ITGB1: variants seen among roughly 807,000 people sequenced by gnomAD.
ITGB1 encodes the protein integrin subunit beta 1, also known as integrin beta-1.
In ITGB1, 24 loss-of-function variants were observed where a neutral mutation model predicts 86.5. That is an observed-to-expected ratio of 0.28 (90% CI 0.20 to 0.39). The LOEUF is 0.39. Ranked by LOEUF, ITGB1 falls within the 10% of genes least tolerant of loss-of-function variation. ITGB1 has a pLI of 1.00. For synonymous variants in ITGB1, 323 were observed against 316.8 expected (o/e 1.02, Z -0.21); for missense variants, 556 against 946.9 (o/e 0.59, Z 5.42).
rs147320657 is a variant in ITGB1 at position 32,920,016 on chromosome 10, C to T, written c.1338G>A (p.Arg446=). Residue 446 remains arginine, a synonymous_variant, in exon 11 of 16, where the codon AGG becomes AGA. Transcript: ENST00000302278. ...CTACTTCCTCCGTAAAGCCCAGAGG[C>T]CTAATTTTAAAGCTGTCAGAATCCT... ...PKKDSDSFKI[R]PLGFTEEVEV... 4.3e-4 allele frequency: 698 copies of T among 1,613,996 alleles called. 7 individuals carry two copies. The East Asian group carries it at 0.015, about 35-fold the overall frequency.
At chr10:32,956,404 A>G (rs1375612117) in intron 1 of ITGB1, among the ~76,000 whole-genome samples, 1 of 148,956 alleles carries the variant, frequency 6.7e-6, no homozygotes, top group Non-Finnish European at 1.5e-5. Flanking sequence ...CAATTAAAAA[A>G]AAAAAAATAA....
intron 1 of ITGB1, among the ~76,000 whole-genome samples, chr10:32,948,947 G>T (rs1182606110): frequency 1.4e-5 from 2 of 144,972 alleles, no homozygotes; most frequent in Non-Finnish European, 3.0e-5. Flanking sequence ...TTCGTTCAGG[G>T]ACTGCTGCTC....
chr10:32,930,725 A>C (rs1167731370), intron 3 of ITGB1, among the ~76,000 whole-genome samples: 1 of 152,182 alleles, frequency 6.6e-6, no homozygotes, highest in Admixed American at 6.5e-5. Flanking sequence ...AATGGCAGGT[A>C]AATTTCAAAA....
At chr10:32,930,800 CAG>C (rs2137228209) in intron 3 of ITGB1, among the ~76,000 whole-genome samples, 1 of 152,006 alleles carries the variant, frequency 6.6e-6, no homozygotes, top group Admixed American at 6.5e-5. Flanking sequence ...CTAGTAATGA[CAG>C]AGATTTTAAA....
chr10:32,938,991 T>C (rs1218995281), intron 1 of ITGB1, among the ~76,000 whole-genome samples: 2 of 152,004 alleles, frequency 1.3e-5, no homozygotes, highest in African/African-American at 2.4e-5. Flanking sequence ...CGGTACTGGG[T>C]GCCCCCTGCA....
chr10:32,938,588 T>C (rs530631452), intron 1 of ITGB1, among the ~76,000 whole-genome samples: 12 of 152,344 alleles, frequency 7.9e-5, no homozygotes, highest in Non-Finnish European at 1.3e-4. Context: ...TCTGAAACCC[T>C]TGTGCCTCCG....
In ITGB1 at chr10:32,910,399, T is replaced by A. The variant is rs1456670387; in HGVS notation, c.1988A>T (p.Gln663Leu). Reference sequence around the variant, plus strand: ...GGTAATGTTAAAATAGGAACATTCCTGTGTGCATGTGTCTTTCTTTTCTCC... The same window carrying A: ...GGTAATGTTAAAATAGGAACATTCCAGTGTGCATGTGTCTTTCTTTTCTCC... The part of the protein sequence containing the change: ...NKGEKKDTCT[Q>L]ECSYFNITKV... Residue 663 changes from glutamine to leucine, a missense_variant, in exon 14 of 16, where the codon CAG (glutamine) becomes CTG (leucine). Gln to Leu is a moderately radical substitution (Grantham distance 113). Around this residue, in one of 4 missense-constraint regions of ITGB1, gnomAD observed 330 missense variants for 531.5 expected, o/e 0.62. Transcript: ENST00000302278. The A allele has an allele frequency of 8.1e-6, 13 of 1,603,138 alleles. No individual in the cohort carries two copies. In the Admixed American group the frequency reaches 2.2e-4, roughly 27 times the overall value.
chr10:32,944,425 C>T, intron 1 of ITGB1: 3 of 317,326 alleles, frequency 9.5e-6, no homozygotes, highest in South Asian at 8.6e-5. Context: ...CAGCCGTGAT[C>T]ATGGGGGCCC....
intron 15 of ITGB1, among the ~76,000 whole-genome samples, chr10:32,904,728 A>G (rs2383977): frequency 5.9e-5 from 9 of 152,216 alleles, no homozygotes; most frequent in African/African-American, 2.2e-4. Flanking sequence ...TTCTTGAGAA[A>G]AACATCTCTT....
rs1295436309 is a variant in ITGB1, at chr10:32,926,072, G to A, written c.585C>T (p.Tyr195=). 1.2e-6 allele frequency: 2 copies of A among 1,614,126 alleles called. No homozygotes were observed. Among genetic ancestry groups the A allele is most frequent in the Non-Finnish European group, 1.7e-6 (2 of 1,179,988 alleles). Residue 195 remains tyrosine (Y), a synonymous_variant, in exon 6 of 16, where the codon TAC becomes TAT. Coordinates refer to ENST00000302278, the MANE Select transcript of ITGB1 (RefSeq NM_002211.4). Reference sequence around the variant, plus strand: ...TGAGCTTAGCTGGTGTTGTGCTAATGTAAGGCATCACAGTCTTTTCCACAA... The same window carrying A: ...TGAGCTTAGCTGGTGTTGTGCTAATATAAGGCATCACAGTCTTTTCCACAA... ...GSFVEKTVMP[Y]ISTTPAKLRN... is the part of the protein sequence containing the mutation.
At chr10:32,907,775 T>C (rs2488319) in intron 15 of ITGB1, among the ~76,000 whole-genome samples, 53,334 of 151,842 alleles carry the variant, frequency 0.35, 11,985 homozygotes, top group Non-Finnish European at 0.51. Context: ...AGAAGAAGAA[T>C]TGTCTTGGGC....
At chr10:32,908,344 C>G (rs2094902909) in intron 15 of ITGB1, 24 bp downstream of exon 15, 2 of 1,611,910 alleles carry the variant, frequency 1.2e-6, no homozygotes, top group African/African-American at 2.7e-5. Flanking sequence ...AGCCACTTTG[C>G]TTTTTGGATG....
intron 6 of ITGB1, among the ~76,000 whole-genome samples, chr10:32,924,812 TAAC>T (rs1240828691): frequency 6.6e-6 from 1 of 152,178 alleles, no homozygotes; most frequent in African/African-American, 2.4e-5. Context: ...TCGAAAGTAA[TAAC>T]AATATAGGAA....
chr10:32,922,960 T>C (rs1414339942), intron 7 of ITGB1, among the ~76,000 whole-genome samples: 1 of 152,198 alleles, frequency 6.6e-6, no homozygotes, highest in Non-Finnish European at 1.5e-5. Context: ...TATAAACTGC[T>C]GAAGTGAGTC....
At chr10:32,908,588 T>TA in intron 14 of ITGB1, 54 bp from the exon 15 acceptor site, 1 of 1,491,534 alleles carries the variant, frequency 6.7e-7, no homozygotes, top group East Asian at 2.3e-5. Context: ...CAGTGTCTTA[T>TA]AAAAAACATA....
At chr10:32,921,162 C>CCA (rs1431259249) in intron 9 of ITGB1, among the ~76,000 whole-genome samples, 1 of 55,968 alleles carries the variant, frequency 1.8e-5, no homozygotes, top group Non-Finnish European at 4.9e-5. Context: ...TGTAGCCCAG[C>CCA]CAAAAAAAAA....
At chr10:32,948,730 G>C (rs1042218828) in intron 1 of ITGB1, among the ~76,000 whole-genome samples, 4 of 152,094 alleles carry the variant, frequency 2.6e-5, no homozygotes, top group Admixed American at 1.3e-4. Flanking sequence ...ATGGGATGAT[G>C]CAACAGAAAG....
At chr10:32,932,695 T>C in intron 2 of ITGB1, 95 bp from the exon 3 acceptor site, 1 of 717,192 alleles carries the variant, frequency 1.4e-6, no homozygotes. Context: ...AATACATATG[T>C]TAAATATTAA....
chr10:32,919,784 G>T, intron 11 of ITGB1, 101 bp downstream of exon 11: 1 of 982,002 alleles, frequency 1.0e-6, no homozygotes, highest in Non-Finnish European at 1.6e-6. Context: ...AAAATAATTT[G>T]CTCCAAATAG....
Sources: allele counts gnomAD v4.1 joint callset (sites outside exome capture counted in the v4.1 genomes callset), GRCh38; gene constraint gnomAD v4.1.1; regional missense constraint gnomAD v4.1.1; transcripts MANE v1.5; gene names NCBI Gene and HGNC (gene_info 2026-07-23, HGNC 2026-07-21).